ZNF782: variants seen among roughly 807,000 people sequenced by gnomAD.
ZNF782 encodes zinc finger protein 782.
In ZNF782, 12 loss-of-function variants were observed where a neutral mutation model predicts 13.0. The ratio of observed to expected loss-of-function variants is 0.92; its 90% confidence interval spans 0.59 to 1.50. ZNF782 has a LOEUF of 1.50. Ranked by LOEUF, ZNF782 falls within the 40% of genes most tolerant of loss-of-function variation. The pLI is 0.00. For missense variants in ZNF782, 770 were observed against 822.9 expected (o/e 0.94, Z 0.79); for synonymous variants, 284 against 283.0 (o/e 1.00, Z -0.04).
chr9:96,908,099 G>A, the ZNF782 span, among the ~76,000 whole-genome samples: 1 of 151,952 alleles, frequency 6.6e-6, no homozygotes, highest in African/African-American at 2.4e-5. Context: ...GAAAGATGGG[G>A]ACATGTTATA....
At chr9:96,827,329 C>G (rs1850659066) in intron 4 of ZNF782, 148 bp from the exon 5 acceptor site, 1 of 522,082 alleles carries the variant, frequency 1.9e-6, no homozygotes. Flanking sequence ...CATTTTCTTT[C>G]TTTTCTTACT....
chr9:96,867,670 G>GT (rs1554690134), intron 1 of ZNF782, among the ~76,000 whole-genome samples: 3 of 152,246 alleles, frequency 2.0e-5, no homozygotes, highest in Non-Finnish European at 4.4e-5. Context: ...GGCATCCACC[G>GT]TTTCTCTCAT....
At chr9:96,884,033 G>A in the ZNF782 span, among the ~76,000 whole-genome samples, 1 of 152,242 alleles carries the variant, frequency 6.6e-6, no homozygotes. Flanking sequence ...CCCTACACCA[G>A]CCAAACACCA....
chr9:96,841,662 C>T (rs537831120), intron 4 of ZNF782, among the ~76,000 whole-genome samples: 2 of 151,904 alleles, frequency 1.3e-5, no homozygotes, highest in African/African-American at 4.8e-5. Context: ...AAGTATTTGA[C>T]AAGATTCAAT....
rs142891779 is a variant in ZNF782, at chr9:96,849,497, C to T, written c.15+2450G>A. On this transcript the variant is annotated intron_variant, in intron 3 of 5. Transcript: ENST00000481138. ...TAATGAAACTGGATCCTATCTCTCA[C>T]TTTATACAAATATCAACTCAAGATG... is the stretch of plus-strand genomic sequence containing the variant. 5.6e-3 allele frequency among the ~76,000 whole-genome samples: 858 copies of T among 152,352 alleles called. 10 individuals are homozygous for T. Among genetic ancestry groups the T allele is most frequent in the African/African-American group, 0.019 (800 of 41,582 alleles).
At chr9:96,932,642 C>T in the ZNF782 span, among the ~76,000 whole-genome samples, 108 of 151,642 alleles carry the variant, frequency 7.1e-4, 2 homozygotes, top group Non-Finnish European at 5.9e-5. Flanking sequence ...GTGAGTCCAG[C>T]CAATCCTTAA....
chr9:96,917,294 C>G, the ZNF782 span, among the ~76,000 whole-genome samples: 1 of 146,134 alleles, frequency 6.8e-6, no homozygotes, highest in African/African-American at 2.5e-5. Context: ...GAAATGTATT[C>G]AAATGAAAAA....
chr9:96,826,515 T>A (rs989205586), intron 5 of ZNF782, among the ~76,000 whole-genome samples: 1 of 152,134 alleles, frequency 6.6e-6, no homozygotes, highest in East Asian at 1.9e-4. Flanking sequence ...AACCTGCACA[T>A]TGTGCACATG....
At chr9:96,836,272 G>A (rs954029725) in intron 4 of ZNF782, among the ~76,000 whole-genome samples, 6 of 151,076 alleles carry the variant, frequency 4.0e-5, no homozygotes, top group Non-Finnish European at 8.8e-5. Context: ...GAGTGCAATG[G>A]TCTGATCTCA....
chr9:96,924,762 C>A, the ZNF782 span, among the ~76,000 whole-genome samples: 4 of 152,246 alleles, frequency 2.6e-5, no homozygotes, highest in African/African-American at 9.6e-5. Context: ...TTTTCCGCAA[C>A]CTTTTGCATT....
intron 4 of ZNF782, among the ~76,000 whole-genome samples, chr9:96,838,151 T>C (rs1005643622): frequency 2.6e-5 from 4 of 152,356 alleles, no homozygotes; most frequent in African/African-American, 9.6e-5. Flanking sequence ...ACTCATGTGT[T>C]GACAAGTGTG....
chr9:96,914,101 T>C, the ZNF782 span, among the ~76,000 whole-genome samples: 1 of 151,710 alleles, frequency 6.6e-6, no homozygotes, highest in East Asian at 1.9e-4. Flanking sequence ...TGCATTATTA[T>C]TATTTTTTTG....
intron 1 of ZNF782, among the ~76,000 whole-genome samples, chr9:96,866,953 C>G (rs1330896681): frequency 6.6e-6 from 1 of 152,218 alleles, no homozygotes; most frequent in Admixed American, 6.5e-5. Context: ...GCCTGTACCC[C>G]CATTGTATCT....
chr9:96,853,451 C>T (rs975760182), intron 1 of ZNF782, among the ~76,000 whole-genome samples: 2 of 152,168 alleles, frequency 1.3e-5, no homozygotes, highest in Non-Finnish European at 2.9e-5. Flanking sequence ...TGCTTCCCAC[C>T]TCGCAAGGGC....
the ZNF782 span, among the ~76,000 whole-genome samples, chr9:96,925,183 G>T: frequency 6.6e-6 from 1 of 152,148 alleles, no homozygotes; most frequent in Non-Finnish European, 1.5e-5. Context: ...CTGGAACCCC[G>T]CCCGCCTCGA....
At chr9:96,922,722 C>T in the ZNF782 span, among the ~76,000 whole-genome samples, 154 of 150,914 alleles carry the variant, frequency 1.0e-3, no homozygotes, top group African/African-American at 3.5e-3. Context: ...TGCAGTGAGC[C>T]GAGATCACGC....
the ZNF782 span, chr9:96,888,376 A>G: frequency 6.6e-6 from 1 of 152,228 alleles, no homozygotes; most frequent in Non-Finnish European, 1.5e-5. Context: ...ACACACCAAG[A>G]GCAGAGCCTT....
upstream of ZNF782, among the ~76,000 whole-genome samples, chr9:96,858,413 A>G (rs1851669110): frequency 1.3e-5 from 2 of 152,194 alleles, no homozygotes; most frequent in Non-Finnish European, 2.9e-5. This position sits in a 1 kb window ranked among gnomAD's most constrained non-coding sequence, Gnocchi z 4.4. Context: ...TGAGTTACCT[A>G]TGAGAGTGCA....
At chr9:96,851,816 C>T (rs987733918) in intron 3 of ZNF782, 131 bp downstream of exon 3, 2 of 934,222 alleles carry the variant, frequency 2.1e-6, no homozygotes, top group East Asian at 5.1e-5. Flanking sequence ...CAGCAGAGTT[C>T]ATGGTGAAAC....
Sources: allele counts gnomAD v4.1 joint callset (sites outside exome capture counted in the v4.1 genomes callset), GRCh38; gene constraint gnomAD v4.1.1; non-coding constraint Gnocchi (gnomAD v3.1); transcripts MANE v1.5; gene names NCBI Gene and HGNC (gene_info 2026-07-23, HGNC 2026-07-21).